The following VPS13B variants were observed in gnomAD, a reference collection of about 807,000 sequenced individuals.
The protein encoded by VPS13B is vacuolar protein sorting 13 homolog B.
Under a neutral mutation model 426.4 loss-of-function variants are expected in VPS13B, and 285 were observed. The ratio of observed to expected loss-of-function variants is 0.67; its 90% CI spans 0.61 to 0.74. The LOEUF (loss-of-function observed/expected upper bound fraction) is 0.74, where lower values mean the gene tolerates loss of function less well. Among genes scored for constraint, VPS13B ranks in the 30% least tolerant of loss-of-function variants. The probability of loss-of-function intolerance (pLI) is 0.00; values close to 1 mark genes in which losing one functional copy is unlikely to be tolerated. For synonymous variants in VPS13B, 1,676 were observed against 1,676.4 expected, an observed-to-expected ratio of 1.00 and a Z score of 0.01; for missense variants, 4,537 against 4,782.6, an observed-to-expected ratio of 0.95 and a Z score of 1.51.
chr8:99,114,606 C>G (rs1292877083), intron 6 of VPS13B, among the ~76,000 whole-genome samples: 1 of 152,184 alleles, frequency 6.6e-6, no homozygotes, highest in Non-Finnish European at 1.5e-5. Flanking sequence ...CTGCTCACCT[C>G]CCACACTCAT....
At chr8:99,759,030 T>C (rs1397131895) in intron 39 of VPS13B, among the ~76,000 whole-genome samples, 2 of 152,076 alleles carry the variant, frequency 1.3e-5, no homozygotes, top group Non-Finnish European at 2.9e-5. Context: ...TTTTCTCTAA[T>C]TATATTCTCC....
chr8:99,470,286 A>G (rs1208684687), intron 24 of VPS13B, among the ~76,000 whole-genome samples: 1 of 152,202 alleles, frequency 6.6e-6, no homozygotes, highest in Non-Finnish European at 1.5e-5. Flanking sequence ...GGAAAAATTC[A>G]AAAACAAACA....
intron 39 of VPS13B, among the ~76,000 whole-genome samples, chr8:99,763,721 G>C (rs190202344): frequency 1.3e-4 from 20 of 152,214 alleles, no homozygotes; most frequent in African/African-American, 4.8e-4. Flanking sequence ...ATAACCCAGA[G>C]AAAAGAAGTT....
intron 3 of VPS13B, among the ~76,000 whole-genome samples, chr8:99,088,238 TA>T (rs1031399748): frequency 1.6e-3 from 236 of 149,548 alleles, no homozygotes; most frequent in African/African-American, 5.2e-3. Context: ...TATCAGATCT[TA>T]AAAAAAAAAT....
intron 39 of VPS13B, among the ~76,000 whole-genome samples, chr8:99,740,983 T>C (rs1333148379): frequency 2.0e-5 from 3 of 152,118 alleles, no homozygotes; most frequent in East Asian, 1.9e-4. Context: ...ATATTAACCT[T>C]AAATGTAAAT....
intron 19 of VPS13B, among the ~76,000 whole-genome samples, chr8:99,318,980 T>A (rs1456117447): frequency 6.6e-6 from 1 of 152,252 alleles, no homozygotes; most frequent in Non-Finnish European, 1.5e-5. Context: ...TTTTGTAACA[T>A]GTATTTTCTT....
At chr8:99,453,753 CA>C (rs2133468447) in intron 23 of VPS13B, among the ~76,000 whole-genome samples, 1 of 152,196 alleles carries the variant, frequency 6.6e-6, no homozygotes, top group Non-Finnish European at 1.5e-5. Flanking sequence ...GTTTGAGTTT[CA>C]TAGCAAAATT....
intron 33 of VPS13B, among the ~76,000 whole-genome samples, chr8:99,578,379 A>T (rs969924198): frequency 2.6e-5 from 4 of 152,142 alleles, no homozygotes; most frequent in Admixed American, 2.6e-4. Flanking sequence ...GTAGGAAATG[A>T]AGAGGAATTT....
chr8:99,834,480 A>G lies in VPS13B; in HGVS notation c.9615-717A>G, dbSNP rs117603747. On this transcript the variant is annotated intron_variant, in intron 52 of 61. Transcript: ENST00000357162. ...TCAGCCTGCCTACCTCTAGAAAAAA[A>G]AGAGCAAGCACCCAAATTCTCTAGT... Among the ~76,000 whole-genome samples, 125 of 152,318 alleles carry G rather than the reference A, an allele frequency of 8.2e-4. 4 individuals are homozygous for G. In the East Asian group the frequency reaches 0.02, roughly 24 times the overall value.
intron 35 of VPS13B, among the ~76,000 whole-genome samples, chr8:99,681,161 C>A (rs1345428016): frequency 1.3e-5 from 2 of 152,152 alleles, no homozygotes; most frequent in African/African-American, 4.8e-5. Flanking sequence ...TGTTGATGTA[C>A]TTTATACAAC....
chr8:99,509,088 C>G (rs537151676), intron 28 of VPS13B, among the ~76,000 whole-genome samples: 1 of 152,130 alleles, frequency 6.6e-6, no homozygotes, highest in East Asian at 1.9e-4. Context: ...GATTAGTGGT[C>G]AGTAGTAACC....
chr8:99,287,201 G>A (rs1416150051), intron 19 of VPS13B, among the ~76,000 whole-genome samples: 3 of 151,720 alleles, frequency 2.0e-5, no homozygotes, highest in Non-Finnish European at 2.9e-5. Flanking sequence ...AGGTATTAAG[G>A]AGATATATGT....
At chr8:99,223,238 A>C (rs547017149) in intron 17 of VPS13B, among the ~76,000 whole-genome samples, 2 of 152,322 alleles carry the variant, frequency 1.3e-5, no homozygotes, top group South Asian at 4.1e-4. Flanking sequence ...ACATGATTTC[A>C]AATATTACTG....
intron 19 of VPS13B, among the ~76,000 whole-genome samples, chr8:99,337,767 G>C (rs1588266832): frequency 6.6e-6 from 1 of 152,088 alleles, no homozygotes; most frequent in South Asian, 2.1e-4. Context: ...GTGCTTTTAT[G>C]ATTAGTGCTT....
intron 8 of VPS13B, among the ~76,000 whole-genome samples, chr8:99,128,715 T>G (rs1809583131): frequency 6.9e-6 from 1 of 144,346 alleles, no homozygotes; most frequent in Non-Finnish European, 1.6e-5. Context: ...GGCAACTTGT[T>G]ACATTGTGGG....
intron 30 of VPS13B, among the ~76,000 whole-genome samples, chr8:99,524,109 ATCAGAGTC>A (rs1186678097): frequency 6.6e-6 from 1 of 152,164 alleles, no homozygotes; most frequent in Non-Finnish European, 1.5e-5. Context: ...TACTGAATGC[ATCAGAGTC>A]TCTTAACAGC....
chr8:99,293,184 C>A (rs377460420), intron 19 of VPS13B, among the ~76,000 whole-genome samples: 2,177 of 141,512 alleles, frequency 0.015, 59 homozygotes, highest in African/African-American at 0.055. Flanking sequence ...GTACTGGTAC[C>A]AAAACAGAGA....
chr8:99,507,622 G>A (rs1369868969), intron 28 of VPS13B: 19 of 1,191,810 alleles, frequency 1.6e-5, no homozygotes, highest in South Asian at 4.1e-5. Context: ...GCAGAAGATG[G>A]TCCAGGCAGA....
intron 33 of VPS13B, among the ~76,000 whole-genome samples, chr8:99,601,605 C>T (rs1011401389): frequency 6.6e-6 from 1 of 152,104 alleles, no homozygotes; most frequent in Admixed American, 6.5e-5. Flanking sequence ...AACTAATTTA[C>T]ACTCCCACCA....
Sources: gnomAD v4.1 joint callset for allele counts (sites outside exome capture counted in the v4.1 genomes callset) on GRCh38, gnomAD v4.1.1 for gene constraint, MANE v1.5 for transcripts, NCBI Gene and HGNC (gene_info 2026-07-23, HGNC 2026-07-21) for gene names.